Variants in RCAN2 observed in about 807,000 individuals in gnomAD.
The protein encoded by RCAN2 is calcipressin-2.
Under a neutral mutation model 23.6 loss-of-function variants are expected in RCAN2, and 9 were observed. The ratio of observed to expected loss-of-function variants is 0.38; its 90% CI spans 0.23 to 0.67. The LOEUF (loss-of-function observed/expected upper bound fraction) is 0.67, where lower values mean the gene tolerates loss of function less well. RCAN2 is among the 30% of genes least tolerant of loss of function. RCAN2 has a pLI of 0.51. For synonymous variants in RCAN2, 109 were observed against 115.7 expected (o/e 0.94, Z 0.37); for missense variants, 273 against 302.3 (o/e 0.90, Z 0.72).
intron 2 of RCAN2, among the ~76,000 whole-genome samples, chr6:46,350,249 G>T (rs1210863007): frequency 1.3e-5 from 2 of 152,188 alleles, no homozygotes; most frequent in Non-Finnish European, 2.9e-5. Context: ...CTAGAAATTG[G>T]AGTAAAAATC....
chr6:46,248,001 A>G (rs955461927), intron 3 of RCAN2, among the ~76,000 whole-genome samples: 1 of 152,222 alleles, frequency 6.6e-6, no homozygotes, highest in African/African-American at 2.4e-5. Flanking sequence ...TGCAGGGCCA[A>G]TGTCTGTGTT....
chr6:46,477,371 G>A (rs1262368830), intron 1 of RCAN2, among the ~76,000 whole-genome samples: 1 of 152,044 alleles, frequency 6.6e-6, no homozygotes, highest in Non-Finnish European at 1.5e-5. Context: ...AACATTTTTG[G>A]GTAACACATA....
chr6:46,481,884 C>T (rs774126541), intron 1 of RCAN2, among the ~76,000 whole-genome samples: 1 of 152,026 alleles, frequency 6.6e-6, no homozygotes, highest in East Asian at 1.9e-4. Context: ...TTAGCATAAA[C>T]CAACCCTAGG....
intron 2 of RCAN2, among the ~76,000 whole-genome samples, chr6:46,407,151 G>A (rs928763574): frequency 2.6e-5 from 4 of 152,158 alleles, no homozygotes; most frequent in African/African-American, 9.7e-5. Context: ...GCCATAGCCT[G>A]GCAGGGGAGT....
At chr6:46,317,481 A>G (rs932959533) in intron 2 of RCAN2, among the ~76,000 whole-genome samples, 7 of 151,968 alleles carry the variant, frequency 4.6e-5, no homozygotes, top group South Asian at 4.2e-4. Flanking sequence ...TTATTTTTTG[A>G]GATGGAGTCT....
chr6:46,422,786 A>T (rs1192940064), intron 2 of RCAN2, among the ~76,000 whole-genome samples: 1 of 152,264 alleles, frequency 6.6e-6, no homozygotes, highest in Admixed American at 6.5e-5. Flanking sequence ...CTGGGTGCCT[A>T]TCTCAAGGCA....
chr6:46,222,155 T>A lies in RCAN2; in HGVS notation c.*986A>T, dbSNP rs1027059964. 1 of 395,536 alleles carries A rather than the reference T, an allele frequency of 2.5e-6. No individual in the cohort carries two copies. Among genetic ancestry groups the A allele is most frequent in the African/African-American group, 2.1e-5 (1 of 48,546 alleles). The allele number at this position is 395,536 out of a possible 1,614,324, so 24.5% of individuals were successfully genotyped here. On this transcript the variant is annotated 3_prime_UTR_variant, in exon 5 of 5. Transcript: ENST00000371374. ...TGTGTCCTTTCAAAATTCAGCATTATCCTTATTAGAGTGTAATATTATCAG... is the reference window on the plus strand; with the variant it reads ...TGTGTCCTTTCAAAATTCAGCATTAACCTTATTAGAGTGTAATATTATCAG...
chr6:46,424,247 T>G (rs1766972078), intron 2 of RCAN2, among the ~76,000 whole-genome samples: 1 of 152,148 alleles, frequency 6.6e-6, no homozygotes. Context: ...TCCCACAAGG[T>G]AAGTGGGAAT....
chr6:46,474,102 A>T (rs1768644320), intron 1 of RCAN2, among the ~76,000 whole-genome samples: 1 of 152,044 alleles, frequency 6.6e-6, no homozygotes. Flanking sequence ...AGCTCTGGGG[A>T]CTCAAAGGAG....
intron 2 of RCAN2, among the ~76,000 whole-genome samples, chr6:46,294,860 A>G (rs1207804488): frequency 4.6e-5 from 7 of 152,198 alleles, no homozygotes; most frequent in African/African-American, 1.7e-4. Context: ...TAGTATGAGC[A>G]CATACCACTT....
chr6:46,382,725 C>T (rs983792344), intron 2 of RCAN2, among the ~76,000 whole-genome samples: 2 of 152,148 alleles, frequency 1.3e-5, no homozygotes, highest in Non-Finnish European at 2.9e-5. Flanking sequence ...ATTAGTCTAG[C>T]TCTAGAATAT....
At chr6:46,241,673 T>C (rs1232038247) in intron 4 of RCAN2, among the ~76,000 whole-genome samples, 1 of 152,252 alleles carries the variant, frequency 6.6e-6, no homozygotes, top group Non-Finnish European at 1.5e-5. Flanking sequence ...GCAAGGGTGC[T>C]GGCTCAACCA....
At chr6:46,447,844 A>G (rs1308008260) in intron 2 of RCAN2, among the ~76,000 whole-genome samples, 2 of 151,806 alleles carry the variant, frequency 1.3e-5, no homozygotes, top group Non-Finnish European at 3.0e-5. Flanking sequence ...GATACAGCAA[A>G]ATATATCTAA....
At chr6:46,431,039 C>T (rs1308853298) in intron 2 of RCAN2, among the ~76,000 whole-genome samples, 3 of 152,150 alleles carry the variant, frequency 2.0e-5, no homozygotes, top group South Asian at 4.1e-4. Flanking sequence ...GCAGGAGGTG[C>T]TCTTGGAGGA....
At chr6:46,272,714 G>C (rs1767560360) in intron 2 of RCAN2, among the ~76,000 whole-genome samples, 1 of 151,944 alleles carries the variant, frequency 6.6e-6, no homozygotes, top group Admixed American at 6.6e-5. Context: ...TGTTTAATTG[G>C]AAAAAACAAA....
At chr6:46,378,862 G>C (rs1457819821) in intron 2 of RCAN2, among the ~76,000 whole-genome samples, 1 of 152,188 alleles carries the variant, frequency 6.6e-6, no homozygotes, top group Non-Finnish European at 1.5e-5. Context: ...TAATTGGCTT[G>C]TGATACTGAT....
chr6:46,437,709 A>C (rs1430114219), intron 2 of RCAN2, among the ~76,000 whole-genome samples: 1 of 152,216 alleles, frequency 6.6e-6, no homozygotes, highest in African/African-American at 2.4e-5. Flanking sequence ...AAAATTAAGA[A>C]GGCATCCTAT....
intron 4 of RCAN2, among the ~76,000 whole-genome samples, chr6:46,245,238 T>C (rs1018628107): frequency 6.6e-6 from 1 of 152,260 alleles, no homozygotes; most frequent in Non-Finnish European, 1.5e-5. Flanking sequence ...CCTGAGAAGC[T>C]GAGTGATGTG....
At chr6:46,325,559 C>T in intron 2 of RCAN2, 4 of 1,583,654 alleles carry the variant, frequency 2.5e-6, no homozygotes, top group Admixed American at 3.5e-5. Flanking sequence ...ATGGATATTG[C>T]TGTGGCCAGG....
Sources: gnomAD v4.1 joint callset for allele counts (sites outside exome capture counted in the v4.1 genomes callset) on GRCh38, gnomAD v4.1.1 for gene constraint, MANE v1.5 for transcripts, NCBI Gene and HGNC (gene_info 2026-07-23, HGNC 2026-07-21) for gene names.